LGSN: variants seen among roughly 807,000 people sequenced by gnomAD.
LGSN encodes the protein lengsin.
In LGSN, 21 loss-of-function variants were observed where a neutral mutation model predicts 19.5. That is an observed-to-expected ratio of 1.07 (90% CI 0.76 to 1.55). LGSN has a LOEUF of 1.55. Among genes scored for constraint, LGSN ranks in the 40% most tolerant of loss-of-function variants. The pLI is 0.00. For synonymous variants in LGSN, 257 were observed against 215.6 expected (o/e 1.19, Z -1.68); for missense variants, 673 against 608.5 (o/e 1.11, Z -1.12).
the LGSN span, among the ~76,000 whole-genome samples, chr6:63,506,241 TTGG>T: frequency 2.3e-4 from 24 of 103,240 alleles, no homozygotes; most frequent in East Asian, 4.2e-3. Flanking sequence ...CTTGTTGTTG[TTGG>T]TGGTGGTGGT....
At chr6:63,550,332 A>G in the LGSN span, 1 of 152,170 alleles carries the variant, frequency 6.6e-6, no homozygotes, top group Admixed American at 6.5e-5. Context: ...TCTGGAGTAT[A>G]AAAGGAGTTG....
the LGSN span, among the ~76,000 whole-genome samples, chr6:63,568,345 C>G: frequency 6.6e-6 from 1 of 152,152 alleles, no homozygotes; most frequent in African/African-American, 2.4e-5. Flanking sequence ...ATTAATTGGC[C>G]TAATTTCAGT....
chr6:63,514,386 C>A, the LGSN span, among the ~76,000 whole-genome samples: 1 of 152,222 alleles, frequency 6.6e-6, no homozygotes, highest in African/African-American at 2.4e-5. Flanking sequence ...CACCACCATG[C>A]CAAGCTAATT....
the LGSN span, among the ~76,000 whole-genome samples, chr6:63,493,934 GA>G: frequency 9.4e-5 from 14 of 149,400 alleles, no homozygotes; most frequent in South Asian, 2.5e-3. Context: ...GGAACAGAAA[GA>G]AAGAAGAAAT....
chr6:63,298,232 T>G (rs563905557), intron 1 of LGSN, among the ~76,000 whole-genome samples: 1 of 152,330 alleles, frequency 6.6e-6, no homozygotes, highest in South Asian at 2.1e-4. Context: ...TCGAATCAAC[T>G]GGGGATCATG....
At chr6:63,450,118 G>A in the LGSN span, among the ~76,000 whole-genome samples, 18 of 150,422 alleles carry the variant, frequency 1.2e-4, no homozygotes, top group South Asian at 1.3e-3. Flanking sequence ...AGGCTGAGGC[G>A]GGTGGATCAC....
chr6:63,546,092 A>G, the LGSN span, among the ~76,000 whole-genome samples: 9 of 152,334 alleles, frequency 5.9e-5, no homozygotes, highest in Non-Finnish European at 1.0e-4. Flanking sequence ...ATGCAGCATC[A>G]TTCACAATAG....
At chr6:63,343,250 C>T in the LGSN span, among the ~76,000 whole-genome samples, 3 of 152,146 alleles carry the variant, frequency 2.0e-5, no homozygotes, top group South Asian at 6.2e-4. Context: ...CACGTTTTAA[C>T]CCGAATCTCC....
rs1767160863 is a variant in LGSN, at chr6:63,278,317, A to T, written c.*1704T>A. The T allele has an allele frequency of 6.6e-6, 1 of 152,146 alleles. No homozygotes were observed. Among genetic ancestry groups the T allele is most frequent in the African/African-American group, 2.4e-5 (1 of 41,432 alleles). The allele number at this position is 152,146 out of a possible 1,614,324, so 9.4% of individuals were successfully genotyped here. On this transcript the variant is annotated 3_prime_UTR_variant, in exon 4 of 4. Transcript: ENST00000370657. ...TCTAGCAGACAGCTAGAAAATTGGC[A>T]TGAGAGTCTTCCTTATCCCTCCCAT... is the stretch of plus-strand genomic sequence containing the variant.
At chr6:63,547,938 A>G in the LGSN span, among the ~76,000 whole-genome samples, 1 of 152,194 alleles carries the variant, frequency 6.6e-6, no homozygotes, top group Admixed American at 6.5e-5. Flanking sequence ...TAAAACCCTT[A>G]AAGTTCCCCA....
At position 63,295,109 on chromosome 6, in the gene LGSN, C is replaced by T. The variant is rs41270551; in HGVS notation, c.31-64G>A. On this transcript the variant is annotated intron_variant, in intron 1 of 3. Transcript: ENST00000370657. ...TATTCAAACAATGATATTTGGATGT[C>T]GAAAGAGTATATTTGAATAGCTCAA... The T allele has an allele frequency of 7.3e-3, 10,836 of 1,481,472 alleles. 51 individuals carry two copies. The highest frequency in any genetic ancestry group is 0.016 in the Middle Eastern group (93 of 5,748). 91.8% of individuals were successfully genotyped at this position (1,481,472 alleles called of 1,614,324 possible). A position where few individuals can be genotyped will look rare whatever the true frequency, so the allele number is the denominator to read the frequency against.
intron 2 of LGSN, among the ~76,000 whole-genome samples, chr6:63,286,394 T>C (rs1224366998): frequency 6.6e-6 from 1 of 152,212 alleles, no homozygotes; most frequent in Admixed American, 6.5e-5. Flanking sequence ...GACTGCATAC[T>C]CAATTTAAAA....
chr6:63,520,754 T>C, the LGSN span, among the ~76,000 whole-genome samples: 2 of 152,194 alleles, frequency 1.3e-5, no homozygotes, highest in African/African-American at 4.8e-5. Context: ...ATTATTTCCT[T>C]GTCAATATGA....
At chr6:63,330,738 T>G in the LGSN span, among the ~76,000 whole-genome samples, 3 of 152,196 alleles carry the variant, frequency 2.0e-5, no homozygotes, top group Admixed American at 2.0e-4. Context: ...GGGGATGGCT[T>G]GCTGACCAGT....
intron 2 of LGSN, among the ~76,000 whole-genome samples, chr6:63,292,743 G>T (rs1482843100): frequency 1.3e-5 from 2 of 152,192 alleles, no homozygotes. Flanking sequence ...CTTAGAACTT[G>T]CCTGGACTGC....
chr6:63,358,669 T>G, the LGSN span, among the ~76,000 whole-genome samples: 35 of 152,300 alleles, frequency 2.3e-4, no homozygotes, highest in Middle Eastern at 3.4e-3. Context: ...TTGTGATTTT[T>G]GTACATTGAT....
At chr6:63,487,387 G>GT in the LGSN span, among the ~76,000 whole-genome samples, 1 of 152,214 alleles carries the variant, frequency 6.6e-6, no homozygotes, top group African/African-American at 2.4e-5. Context: ...AACCTGGAGT[G>GT]TAAGTCAATC....
chr6:63,490,993 A>G, the LGSN span, among the ~76,000 whole-genome samples: 4 of 152,082 alleles, frequency 2.6e-5, no homozygotes, highest in African/African-American at 9.7e-5. Context: ...AGGGCCCTCA[A>G]CGGGTTGAAT....
At chr6:63,521,925 T>C in the LGSN span, 1 of 152,242 alleles carries the variant, frequency 6.6e-6, no homozygotes, top group African/African-American at 2.4e-5. Context: ...TCTAATTCTC[T>C]TATTTTACAA....
Sources: gnomAD v4.1 joint callset for allele counts (sites outside exome capture counted in the v4.1 genomes callset) on GRCh38, gnomAD v4.1.1 for gene constraint, MANE v1.5 for transcripts, NCBI Gene and HGNC (gene_info 2026-07-23, HGNC 2026-07-21) for gene names.